Variants in BCL11A observed in about 807,000 individuals in gnomAD.
The protein encoded by BCL11A is BCL11 transcription factor A.
BCL11A carries 2 observed loss-of-function variants against 55.9 expected under a neutral mutation model. That is an observed-to-expected ratio of 0.04 (90% CI 0.01 to 0.11). The LOEUF (loss-of-function observed/expected upper bound fraction) is 0.11. Ranked by LOEUF, BCL11A falls within the 10% of genes least tolerant of loss-of-function variation. The pLI is 1.00. For missense variants in BCL11A, 817 were observed against 1,137.1 expected (o/e 0.72, Z 4.05); for synonymous variants, 465 against 473.4 (o/e 0.98, Z 0.23).
At chr2:60,468,437 G>A (rs1358416255) in intron 3 of BCL11A, among the ~76,000 whole-genome samples, 1 of 152,088 alleles carries the variant, frequency 6.6e-6, no homozygotes, top group African/African-American at 2.4e-5. Context: ...GGGCTCCAGA[G>A]GCACAGGCAT....
chr2:60,465,754 G>A (rs1676566277), intron 3 of BCL11A, among the ~76,000 whole-genome samples: 1 of 152,214 alleles, frequency 6.6e-6, no homozygotes, highest in South Asian at 2.1e-4. Context: ...AATGACAGAA[G>A]TATATAAAAG....
chr2:60,523,170 T>C (rs142865499), intron 2 of BCL11A, among the ~76,000 whole-genome samples: 3 of 152,332 alleles, frequency 2.0e-5, no homozygotes, highest in Non-Finnish European at 4.4e-5. Flanking sequence ...AATACACTCA[T>C]GGCAGAACCG....
intron 2 of BCL11A, among the ~76,000 whole-genome samples, chr2:60,491,817 G>A (rs552009632): frequency 1.3e-5 from 2 of 152,184 alleles, no homozygotes; most frequent in Admixed American, 6.5e-5. Context: ...CCAACACTAC[G>A]CAGGCACAGA....
intron 3 of BCL11A, among the ~76,000 whole-genome samples, chr2:60,466,820 C>G (rs1000555757): frequency 6.6e-6 from 1 of 151,718 alleles, no homozygotes; most frequent in East Asian, 1.9e-4. Flanking sequence ...CATTTACTTT[C>G]AAATAAAAAT....
At chr2:60,467,150 GTGGTGGTGGTGGTGGTGA>G (rs1676696330) in intron 3 of BCL11A, among the ~76,000 whole-genome samples, 3 of 97,162 alleles carry the variant, frequency 3.1e-5, no homozygotes, top group African/African-American at 1.0e-4. Context: ...GGTGGTGATG[GTGGTGGTGGTGGTGGTGA>G]TGGTGGTGGT....
At chr2:60,510,982 A>G (rs1302164726) in intron 2 of BCL11A, among the ~76,000 whole-genome samples, 1 of 152,256 alleles carries the variant, frequency 6.6e-6, no homozygotes, top group Non-Finnish European at 1.5e-5. Flanking sequence ...GCCTCTAGAA[A>G]GAGGGGCTGA....
intron 2 of BCL11A, 147 bp downstream of exon 2, chr2:60,545,824 A>T: frequency 2.9e-6 from 2 of 695,396 alleles, no homozygotes; most frequent in Non-Finnish European, 5.0e-6. Context: ...AGCAACAGAA[A>T]TGATTATTTT....
intron 2 of BCL11A, among the ~76,000 whole-genome samples, chr2:60,538,919 A>G (rs1669795831): frequency 1.3e-5 from 2 of 152,212 alleles, no homozygotes; most frequent in South Asian, 2.1e-4. Flanking sequence ...GCCTGTAATT[A>G]ACCATATGAA....
At chr2:60,535,556 T>G (rs1295126907) in intron 2 of BCL11A, 1 of 152,160 alleles carries the variant, frequency 6.6e-6, no homozygotes, top group Non-Finnish European at 1.5e-5. Context: ...CTTTTCCCCC[T>G]CAAGTTGTCT....
intron 2 of BCL11A, chr2:60,508,479 A>G (rs1029044829): frequency 1.3e-5 from 2 of 152,252 alleles, no homozygotes; most frequent in Admixed American, 1.3e-4. Flanking sequence ...CCTAGTTGGC[A>G]AAGGAATGCA....
chr2:60,459,354 T>G lies in BCL11A; in HGVS notation c.*1050A>C, dbSNP rs748800728. 32 of 1,019,422 alleles carry G rather than the reference T, an allele frequency of 3.1e-5. No homozygotes were observed. Among genetic ancestry groups the G allele is most frequent in the Non-Finnish European group, 3.6e-5 (31 of 849,568 alleles). 63.1% of individuals were successfully genotyped at this position (1,019,422 alleles called of 1,614,324 possible). ...GTGTATTTAATTGCGTTCCAGGGCT[T>G]TTGCACATTACACATTCAATTTAAT... is the stretch of plus-strand genomic sequence containing the variant. On this transcript the variant is annotated 3_prime_UTR_variant, in exon 4 of 4. Coordinates refer to ENST00000642384, the MANE Select transcript of BCL11A (RefSeq NM_022893.4).
At chr2:60,477,958 C>CT (rs79276518) in intron 2 of BCL11A, among the ~76,000 whole-genome samples, 4,296 of 138,500 alleles carry the variant, frequency 0.031, 209 homozygotes, top group African/African-American at 0.11. Flanking sequence ...TTATGGAAAG[C>CT]TTTTTTTTTT....
intron 2 of BCL11A, among the ~76,000 whole-genome samples, chr2:60,488,097 A>G (rs1420611250): frequency 6.6e-6 from 1 of 152,220 alleles, no homozygotes; most frequent in South Asian, 2.1e-4. Flanking sequence ...CTTACAATTT[A>G]TTCTCATTAT....
chr2:60,514,543 C>G (rs1558458541), intron 2 of BCL11A, among the ~76,000 whole-genome samples: 1 of 149,522 alleles, frequency 6.7e-6, no homozygotes. Context: ...TGGCATGCAC[C>G]TATAATCCCA....
chr2:60,550,796 C>A (rs749618162), intron 1 of BCL11A: 2 of 399,020 alleles, frequency 5.0e-6, no homozygotes, highest in Non-Finnish European at 8.8e-6. Flanking sequence ...TTTGAGCCCC[C>A]ACTGCATCCT....
chr2:60,459,095 T>G lies in BCL11A; in HGVS notation c.*1309A>C. 1 of 1,020,986 alleles carries G rather than the reference T, an allele frequency of 9.8e-7. No individual in the cohort carries two copies. The highest frequency in any genetic ancestry group is 1.2e-6 in the Non-Finnish European group (1 of 849,704). The allele number at this position is 1,020,986 out of a possible 1,614,324, so 63.2% of individuals were successfully genotyped here. A position where few individuals can be genotyped will look rare whatever the true frequency, so the allele number is the denominator to read the frequency against. On this transcript the variant is annotated 3_prime_UTR_variant, in exon 4 of 4. Transcript: ENST00000642384. ...ATTAGCTTATATACCTGTTCTAGTT[T>G]TAAATGGCAAATAGTACCACGTTGT...
At chr2:60,498,236 G>A (rs752913935) in intron 2 of BCL11A, among the ~76,000 whole-genome samples, 4 of 151,928 alleles carry the variant, frequency 2.6e-5, no homozygotes, top group East Asian at 1.9e-4. Flanking sequence ...GAAGTGGTGC[G>A]TGGAGATAAT....
chr2:60,488,634 T>C lies in BCL11A; in HGVS notation c.386-19801A>G, dbSNP rs142433041. Among the ~76,000 whole-genome samples, 75 of 152,368 alleles carry C rather than the reference T, an allele frequency of 4.9e-4. 1 individual carries two copies. The East Asian group carries it at 0.013, about 27-fold the overall frequency. ...GTACTGCAGGGGAATTCGGTAAAAC[T>C]TTCTAGTTTTGCTTAACATGAAAAT... On this transcript the variant is annotated intron_variant, in intron 2 of 3. Transcript: ENST00000642384.
chr2:60,456,167 A>C (rs1675924644), downstream of BCL11A, among the ~76,000 whole-genome samples: 1 of 152,224 alleles, frequency 6.6e-6, no homozygotes, highest in African/African-American at 2.4e-5. Context: ...ACTAGGGCAT[A>C]AGAACTGAGC....
Sources: allele counts gnomAD v4.1 joint callset (sites outside exome capture counted in the v4.1 genomes callset), GRCh38; gene constraint gnomAD v4.1.1; transcripts MANE v1.5; gene names NCBI Gene and HGNC (gene_info 2026-07-23, HGNC 2026-07-21).